TYW1: variants seen among roughly 807,000 people sequenced by gnomAD.
The protein encoded by TYW1 is S-adenosyl-L-methionine-dependent tRNA 4-demethylwyosine synthase TYW1.
TYW1 carries 46 observed loss-of-function variants against 96.2 expected under a neutral mutation model. That is an observed-to-expected ratio of 0.48 (90% confidence interval 0.38 to 0.61). TYW1 has a LOEUF of 0.61. TYW1 is among the 20% of genes least tolerant of loss of function. The pLI, the probability that TYW1 is intolerant of heterozygous loss-of-function variation, is 0.00. For synonymous variants in TYW1, 274 were observed against 323.0 expected, an observed-to-expected ratio of 0.85 and a Z score of 1.63; for missense variants, 684 against 909.6, an observed-to-expected ratio of 0.75 and a Z score of 3.19.
intron 15 of TYW1, among the ~76,000 whole-genome samples, chr7:67,220,731 T>C (rs192448319): frequency 6.2e-4 from 84 of 135,160 alleles, no homozygotes; most frequent in African/African-American, 2.4e-3. Flanking sequence ...TTATTTTCTT[T>C]CTTTCTTTTT....
Position 67,239,464 on chromosome 7 carries a change from T to TAA in TYW1, c.*936_*937dup. 1 of 925,056 alleles carries TAA rather than the reference T, an allele frequency of 1.1e-6. No individual in the cohort carries two copies. The highest frequency in any genetic ancestry group is 1.3e-6 in the Non-Finnish European group (1 of 775,196). The allele number at this position is 925,056 out of a possible 1,614,324, so 57.3% of individuals were successfully genotyped here. A position where few individuals can be genotyped will look rare whatever the true frequency, so the allele number is the denominator to read the frequency against. ...TTGTTTTCAAGTTAGCAAGTTCTTTTAACAGTCTTTTATGCAAAAATTGAA... is the reference window on the plus strand; with the variant it reads ...TTGTTTTCAAGTTAGCAAGTTCTTTTAAAACAGTCTTTTATGCAAAAATTGAA... On this transcript the variant is annotated 3_prime_UTR_variant, in exon 16 of 16. Transcript: ENST00000359626.
At chr7:67,164,427 T>C (rs1015268990) in intron 13 of TYW1, among the ~76,000 whole-genome samples, 2 of 149,952 alleles carry the variant, frequency 1.3e-5, no homozygotes, top group African/African-American at 5.0e-5. Flanking sequence ...CTGGGCAACA[T>C]AGCGAAACAT....
At chr7:67,066,025 ACACACACC>A (rs764104289) in intron 9 of TYW1, among the ~76,000 whole-genome samples, 5,246 of 139,370 alleles carry the variant, frequency 0.038, 272 homozygotes, top group East Asian at 0.14. Flanking sequence ...ACACACACAC[ACACACACC>A]CACACCCCTA....
At chr7:67,139,728 G>GGTGTGTGTGT (rs55993805) in intron 13 of TYW1, among the ~76,000 whole-genome samples, 188 of 138,516 alleles carry the variant, frequency 1.4e-3, no homozygotes, top group East Asian at 7.4e-3. Flanking sequence ...TGTGTATACA[G>GGTGTGTGTGT]GTGTGTGTGT....
chr7:67,162,667 T>C (rs1367592817), intron 13 of TYW1, among the ~76,000 whole-genome samples: 1 of 152,220 alleles, frequency 6.6e-6, no homozygotes, highest in East Asian at 1.9e-4. Context: ...GGATAGATTT[T>C]GTGTGCAGGA....
intron 7 of TYW1, among the ~76,000 whole-genome samples, chr7:67,034,485 C>T (rs138020696): frequency 0.09 from 13,642 of 151,956 alleles, 807 homozygotes; most frequent in East Asian, 0.3. Context: ...TTCCTGGATC[C>T]GCTTTTCATA....
At chr7:67,162,058 A>G (rs112304675) in intron 13 of TYW1, among the ~76,000 whole-genome samples, 1 of 152,134 alleles carries the variant, frequency 6.6e-6, no homozygotes, top group Non-Finnish European at 1.5e-5. Context: ...GCACTTTGGG[A>G]GGCCAAGTTG....
intron 7 of TYW1, among the ~76,000 whole-genome samples, chr7:67,029,415 G>GTATATATATATATATA (rs55802244): frequency 7.4e-5 from 7 of 94,312 alleles, no homozygotes; most frequent in Admixed American, 1.2e-4. Context: ...GTGTGTGTGT[G>GTATATATATATATATA]TATATATATA....
chr7:67,119,135 TTCC>T (rs2115988199), intron 13 of TYW1, among the ~76,000 whole-genome samples: 1 of 152,078 alleles, frequency 6.6e-6, no homozygotes, highest in South Asian at 2.1e-4. Context: ...CCTTCCTTCC[TTCC>T]TTGCTTCCTT....
At chr7:67,202,708 A>G (rs1800641018) in intron 15 of TYW1, among the ~76,000 whole-genome samples, 1 of 152,136 alleles carries the variant, frequency 6.6e-6, no homozygotes, top group Non-Finnish European at 1.5e-5. Context: ...CTCAATTTCT[A>G]CTAATAATCC....
At chr7:67,137,392 G>A (rs1798297910) in intron 13 of TYW1, among the ~76,000 whole-genome samples, 1 of 151,924 alleles carries the variant, frequency 6.6e-6, no homozygotes. Context: ...GAGGTGGGAG[G>A]AACTCTTGAG....
chr7:67,058,554 C>T (rs2115612790), intron 9 of TYW1, among the ~76,000 whole-genome samples: 1 of 152,188 alleles, frequency 6.6e-6, no homozygotes, highest in East Asian at 1.9e-4. Context: ...GCAATTTCGG[C>T]TCACTGCAGC....
intron 1 of TYW1, among the ~76,000 whole-genome samples, chr7:66,997,541 T>C (rs562924079): frequency 1.3e-5 from 2 of 152,348 alleles, no homozygotes; most frequent in Non-Finnish European, 2.9e-5. Context: ...GATACAATTT[T>C]ATATTCTGTT....
At chr7:67,166,580 G>A (rs1259900174) in intron 13 of TYW1, among the ~76,000 whole-genome samples, 10 of 151,456 alleles carry the variant, frequency 6.6e-5, no homozygotes, top group Non-Finnish European at 1.2e-4. Flanking sequence ...TGCTAACACC[G>A]TAAGGTAGAT....
intron 15 of TYW1, among the ~76,000 whole-genome samples, chr7:67,216,924 T>C (rs1801212197): frequency 6.6e-6 from 1 of 151,244 alleles, no homozygotes; most frequent in Non-Finnish European, 1.5e-5. Context: ...TCATATGTAG[T>C]GGTCTGCCTT....
chr7:66,998,102 A>C lies in TYW1; in HGVS notation c.42A>C (p.Leu14Phe). The C allele has an allele frequency of 6.2e-7, 1 of 1,610,788 alleles. No homozygotes were observed. Among genetic ancestry groups the C allele is most frequent in the Non-Finnish European group, 8.5e-7 (1 of 1,179,146 alleles). ...ATACATGGGACCTCTTCTCACCTTT[A>C]ATATCATTATGGATAAACAGGTTTT... ...SADTWDLFSP[L>F]ISLWINRFYI... is the part of the protein sequence containing the mutation. The change falls in exon 2 of 16, where the codon TTA becomes TTC. Residue 14 changes from leucine (L) to phenylalanine (F), a missense_variant. By Grantham distance (22) the Leu-to-Phe change is conservative. Coordinates refer to ENST00000359626, the MANE Select transcript of TYW1 (RefSeq NM_018264.4).
intron 13 of TYW1, among the ~76,000 whole-genome samples, chr7:67,131,980 G>C (rs1404669025): frequency 6.6e-6 from 1 of 152,148 alleles, no homozygotes; most frequent in Non-Finnish European, 1.5e-5. Context: ...CTGATTAGAT[G>C]GTGCCCACCC....
At chr7:67,102,112 T>C (rs1336861894) in intron 12 of TYW1, among the ~76,000 whole-genome samples, 1 of 152,078 alleles carries the variant, frequency 6.6e-6, no homozygotes, top group Non-Finnish European at 1.5e-5. Flanking sequence ...AAGGCATATA[T>C]CCCCCAAAAG....
At chr7:67,138,043 T>C (rs1240583714) in intron 13 of TYW1, among the ~76,000 whole-genome samples, 2 of 152,276 alleles carry the variant, frequency 1.3e-5, no homozygotes, top group Admixed American at 1.3e-4. Context: ...TTAAAGTGAC[T>C]TTCTGAGAAT....
Sources: gnomAD v4.1 joint callset for allele counts (sites outside exome capture counted in the v4.1 genomes callset) on GRCh38, gnomAD v4.1.1 for gene constraint, MANE v1.5 for transcripts, NCBI Gene and HGNC (gene_info 2026-07-23, HGNC 2026-07-21) for gene names.